Variants in THSD7A observed in about 807,000 individuals in gnomAD.
The protein encoded by THSD7A is thrombospondin type 1 domain containing 7A.
A neutral mutation model predicts 231.3 loss-of-function variants in THSD7A; 96 were observed. The ratio of observed to expected loss-of-function variants is 0.41; its 90% CI spans 0.35 to 0.49. The LOEUF is 0.49. THSD7A is among the 20% of genes least tolerant of loss of function. THSD7A has a pLI of 0.05. For missense variants in THSD7A, 2,290 were observed against 2,070.2 expected, an observed-to-expected ratio of 1.11 and a Z score of -2.06; for synonymous variants, 940 against 743.3, an observed-to-expected ratio of 1.26 and a Z score of -4.30.
chr7:11,529,064 A>G (rs541924171), intron 6 of THSD7A, among the ~76,000 whole-genome samples: 24 of 152,270 alleles, frequency 1.6e-4, no homozygotes, highest in Admixed American at 1.0e-3. Context: ...TGACACATTC[A>G]GTATAGTTCT....
chr7:11,530,999 A>T (rs781179794), intron 6 of THSD7A, among the ~76,000 whole-genome samples: 20 of 152,184 alleles, frequency 1.3e-4, no homozygotes, highest in Non-Finnish European at 2.5e-4. Flanking sequence ...TGACAGACCA[A>T]GACTCTGTCA....
chr7:11,629,215 C>G (rs1781571829), intron 2 of THSD7A, among the ~76,000 whole-genome samples: 1 of 152,138 alleles, frequency 6.6e-6, no homozygotes, highest in Non-Finnish European at 1.5e-5. Context: ...AGGTCAGCAT[C>G]CAGACACACG....
chr7:11,795,846 C>T (rs1001753404), intron 1 of THSD7A, among the ~76,000 whole-genome samples: 4 of 151,156 alleles, frequency 2.6e-5, no homozygotes, highest in East Asian at 1.9e-4. Context: ...AAGATCCAAG[C>T]GAGGAGTCAG....
At chr7:11,640,251 T>C (rs1033598799) in intron 1 of THSD7A, among the ~76,000 whole-genome samples, 6 of 152,214 alleles carry the variant, frequency 3.9e-5, no homozygotes, top group Admixed American at 2.6e-4. Context: ...ACAAGTTCAG[T>C]AATATTTATT....
chr7:11,787,904 A>C (rs1055792527), intron 1 of THSD7A, among the ~76,000 whole-genome samples: 2 of 152,124 alleles, frequency 1.3e-5, no homozygotes, highest in African/African-American at 4.8e-5. Flanking sequence ...TCACTGCCCT[A>C]GAAATGGCTC....
chr7:11,438,004 T>C lies in THSD7A; in HGVS notation c.3064+8057A>G, dbSNP rs530597371. Among the ~76,000 whole-genome samples the C allele has an allele frequency of 1.1e-4, 16 of 144,688 alleles. No homozygotes were observed. The South Asian group carries it at 2.7e-3, about 25-fold the overall frequency. The allele number at this position is 144,688 out of a possible 152,430, so 94.9% of individuals were successfully genotyped here. On this transcript the variant is annotated intron_variant, in intron 13 of 27. Coordinates refer to ENST00000423059, the MANE Select transcript of THSD7A (RefSeq NM_015204.3). Reference sequence around the variant, plus strand: ...ATTTTTAAAGTTCATCCACGATGTATTCCTTTTCCAGGTTTTTTTTTTGAT... The same window carrying C: ...ATTTTTAAAGTTCATCCACGATGTACTCCTTTTCCAGGTTTTTTTTTTGAT...
At chr7:11,498,100 A>C (rs1285349407) in intron 6 of THSD7A, among the ~76,000 whole-genome samples, 1 of 152,180 alleles carries the variant, frequency 6.6e-6, no homozygotes, top group South Asian at 2.1e-4. Flanking sequence ...CTGCAGCTCC[A>C]TCAAAGTGGG....
chr7:11,670,946 G>T (rs989877723), intron 1 of THSD7A, among the ~76,000 whole-genome samples: 25 of 152,134 alleles, frequency 1.6e-4, no homozygotes, highest in African/African-American at 6.0e-4. Flanking sequence ...GTCTTAAATG[G>T]TGAGTCTCCT....
chr7:11,379,683 C>T lies in THSD7A; in HGVS notation c.4537G>A (p.Ala1513Thr). 1 of 1,593,150 alleles carries T rather than the reference C, an allele frequency of 6.3e-7. No homozygotes were observed. The highest frequency in any genetic ancestry group is 8.6e-7 in the Non-Finnish European group (1 of 1,168,966). ...CACGGTGGGTTACAAGACCTGTCGG[C>T]ATCAGGCTGGCTCATCACCAAGCAG... is the stretch of plus-strand genomic sequence containing the variant. ...GGCLVMSQPD[A>T]DRSCNPPCSQ... Residue 1513 changes from alanine (A) to threonine (T), a missense_variant, in exon 25 of 28, where the codon GCC (alanine) becomes ACC (threonine). Coordinates refer to ENST00000423059, the MANE Select transcript of THSD7A (RefSeq NM_015204.3).
chr7:11,386,976 C>T (rs188106853), intron 23 of THSD7A, among the ~76,000 whole-genome samples: 62 of 152,266 alleles, frequency 4.1e-4, no homozygotes, highest in Non-Finnish European at 5.4e-4. Flanking sequence ...GAATCCTTTC[C>T]CCATTGATTG....
chr7:11,631,665 A>C (rs1329947764), intron 2 of THSD7A, among the ~76,000 whole-genome samples: 1 of 152,166 alleles, frequency 6.6e-6, no homozygotes, highest in African/African-American at 2.4e-5. Flanking sequence ...AGAAAAAAAA[A>C]CAAACACAAA....
intron 1 of THSD7A, among the ~76,000 whole-genome samples, chr7:11,808,346 C>T (rs1054870961): frequency 2.6e-5 from 4 of 152,138 alleles, no homozygotes; most frequent in Admixed American, 6.6e-5. Context: ...TGTCCTTTCA[C>T]CTTCCACCGT....
At chr7:11,644,388 T>C (rs1363663145) in intron 1 of THSD7A, among the ~76,000 whole-genome samples, 4 of 152,032 alleles carry the variant, frequency 2.6e-5, no homozygotes, top group Non-Finnish European at 5.9e-5. Flanking sequence ...TTTTTGAATA[T>C]ACAAAAATAA....
chr7:11,684,046 G>C (rs181840831), intron 1 of THSD7A, among the ~76,000 whole-genome samples: 518 of 151,874 alleles, frequency 3.4e-3, no homozygotes, highest in African/African-American at 0.012. Context: ...AATCAAGTGG[G>C]TTTATTCTTG....
chr7:11,680,018 A>G lies in THSD7A; in HGVS notation c.191-43057T>C, dbSNP rs541110038. ...CAGATATATAGACCAATGGAACGTA[A>G]CAGAGGCCTCAGAAATAACATCACA... is the stretch of plus-strand genomic sequence containing the variant. On this transcript the variant is annotated intron_variant, in intron 1 of 27. Coordinates refer to ENST00000423059, the MANE Select transcript of THSD7A (RefSeq NM_015204.3). 4.6e-5 allele frequency among the ~76,000 whole-genome samples: 7 copies of G among 152,174 alleles called. No individual in the cohort carries two copies. In the South Asian group the frequency reaches 1.5e-3, roughly 32 times the overall value.
chr7:11,406,469 G>C lies in THSD7A; in HGVS notation c.4068C>G (p.Ala1356=). 1 of 1,606,600 alleles carries C rather than the reference G, an allele frequency of 6.2e-7. No homozygotes were observed. The highest frequency in any genetic ancestry group is 1.7e-5 in the Admixed American group (1 of 58,102). ...GQWSPCQVQE[A]QCGEGTRTRN... The stretch of plus-strand genomic sequence containing the variant: ...TTGTTCTGGTCCCTTCTCCACACTG[G>C]GCCTCCTGGAATGGAGGAAGAAATA... Residue 1356 remains alanine (A), a synonymous_variant, in exon 22 of 28, where the codon GCC becomes GCG. Coordinates refer to ENST00000423059, the MANE Select transcript of THSD7A (RefSeq NM_015204.3). This position sits in a 1 kb window ranked among gnomAD's most constrained non-coding sequence, Gnocchi z 4.7.
chr7:11,682,318 T>C (rs1783899528), intron 1 of THSD7A, among the ~76,000 whole-genome samples: 1 of 152,098 alleles, frequency 6.6e-6, no homozygotes, highest in African/African-American at 2.4e-5. Context: ...TGGCAAATTG[T>C]ATTTTTAAAA....
intron 17 of THSD7A, among the ~76,000 whole-genome samples, chr7:11,415,801 T>A (rs1050857495): frequency 6.6e-6 from 1 of 152,206 alleles, no homozygotes; most frequent in Non-Finnish European, 1.5e-5. Context: ...CTTATTAAAC[T>A]TCGATTGATT....
At chr7:11,670,189 G>A (rs527621746) in intron 1 of THSD7A, among the ~76,000 whole-genome samples, 10 of 152,308 alleles carry the variant, frequency 6.6e-5, no homozygotes, top group Admixed American at 3.9e-4. Context: ...CTATCATGGA[G>A]GGTATGGAGA....
Sources: gnomAD v4.1 joint callset for allele counts (sites outside exome capture counted in the v4.1 genomes callset) on GRCh38, gnomAD v4.1.1 for gene constraint, Gnocchi (gnomAD v3.1) non-coding constraint, MANE v1.5 for transcripts, NCBI Gene and HGNC (gene_info 2026-07-23, HGNC 2026-07-21) for gene names.